TBPL2: variants seen among roughly 807,000 people sequenced by gnomAD.
TBPL2 encodes the protein TATA box-binding protein-like 2.
TBPL2 carries 40 observed loss-of-function variants against 38.2 expected under a neutral mutation model. The observed-to-expected ratio is 1.05, with a 90% CI of 0.81 to 1.36. The LOEUF (loss-of-function observed/expected upper bound fraction) is 1.36. Among genes scored for constraint, TBPL2 ranks in the 40% most tolerant of loss-of-function variants. The pLI is 0.00. For missense variants in TBPL2, 461 were observed against 456.7 expected, an observed-to-expected ratio of 1.01 and a Z score of -0.09; for synonymous variants, 169 against 171.7, an observed-to-expected ratio of 0.98 and a Z score of 0.12.
chr14:55,414,355 A>T, exon 7 of TBPL2: 1 of 1,549,042 alleles, frequency 6.5e-7, no homozygotes, highest in Non-Finnish European at 8.8e-7. Context: ...AAACCAGAAT[A>T]ATGTGAGATG....
intron 5 of TBPL2, among the ~76,000 whole-genome samples, chr14:55,428,208 C>T (rs1885863016): frequency 7.2e-6 from 1 of 138,680 alleles, no homozygotes; most frequent in Non-Finnish European, 1.5e-5. Flanking sequence ...CGGCTCACTG[C>T]AAGCTCCACC....
At position 55,437,010 on chromosome 14, in the gene TBPL2, A is replaced by AAAAC; in HGVS notation, c.158_159insGTTT (p.Ala54PhefsTer16). The AAAAC allele has an allele frequency of 6.2e-7, 1 of 1,613,798 alleles. No individual in the cohort carries two copies. Among genetic ancestry groups the AAAAC allele is most frequent in the Non-Finnish European group, 8.5e-7 (1 of 1,179,726 alleles). ...TGAACAGGGGAGACCTGGGTGGGGC[A>AAAAC]AGGCCATCCTAGGCAGTTCCCAAAA... On this transcript the variant is annotated frameshift_variant, in exon 2 of 7. Transcript: ENST00000247219. LOFTEE classifies it high-confidence loss of function.
At chr14:55,431,452 C>A (rs1006857419) in intron 4 of TBPL2, among the ~76,000 whole-genome samples, 13 of 152,340 alleles carry the variant, frequency 8.5e-5, no homozygotes, top group African/African-American at 2.9e-4. Flanking sequence ...ACCATCCTTT[C>A]AGCTCAGTAT....
At chr14:55,428,284 C>G (rs1885864799) in intron 5 of TBPL2, among the ~76,000 whole-genome samples, 1 of 151,914 alleles carries the variant, frequency 6.6e-6, no homozygotes, top group Non-Finnish European at 1.5e-5. Context: ...CGCCCGCTGC[C>G]ACGCCCGGCT....
chr14:55,440,020 A>T (rs911605857), intron 1 of TBPL2, among the ~76,000 whole-genome samples: 2 of 151,616 alleles, frequency 1.3e-5, no homozygotes, highest in African/African-American at 2.4e-5. Context: ...GAATCGCTTG[A>T]ACCCAGGAGG....
rs1566596712 is a variant in TBPL2 at position 55,440,131 on chromosome 14, A to AAC, written c.150+264_150+265insGT. On this transcript the variant is annotated intron_variant, in intron 1 of 6. Transcript: ENST00000247219. ...CAATCAATCAATCAATCAATCAAAA[A>AAC]CCAGAACAACCTGGGAAGGGCCATG... 1.5e-3 allele frequency among the ~76,000 whole-genome samples: 223 copies of AAC among 151,708 alleles called. 1 individual carries two copies. Among genetic ancestry groups the AAC allele is most frequent in the Middle Eastern group, 3.4e-3 (1 of 294 alleles).
Position 55,428,844 on chromosome 14 carries a change from G to T in TBPL2, c.919C>A (p.Leu307Met), listed in dbSNP as rs749166761. 31 of 1,613,988 alleles carry T rather than the reference G, an allele frequency of 1.9e-5. No homozygotes were observed. In the East Asian group the frequency reaches 6.9e-4, roughly 36 times the overall value. Reference sequence around the variant, plus strand: ...TGATGGGTTAGCACCAAACCTTCCAGCCTGATGGGAAATCTCACATCACAG... The same window carrying T: ...TGATGGGTTAGCACCAAACCTTCCATCCTGATGGGAAATCTCACATCACAG... The change falls in exon 5 of 7, where the codon CTG becomes ATG. Residue 307 changes from leucine to methionine, a missense_variant. Transcript: ENST00000247219.
rs1555344746 is a variant in TBPL2, at chr14:55,439,617, C to CCG, written c.150+778_150+779insCG. Among the ~76,000 whole-genome samples the CCG allele has an allele frequency of 2.1e-4, 15 of 72,700 alleles. 3 individuals are homozygous for CCG. The highest frequency in any genetic ancestry group is 5.7e-4 in the East Asian group (1 of 1,752). The allele number at this position is 72,700 out of a possible 152,430, so 47.7% of individuals were successfully genotyped here. A position where few individuals can be genotyped will look rare whatever the true frequency, so the allele number is the denominator to read the frequency against. ...ACCAGCCTGGGGAGAAAAGCAAACC[C>CCG]CCCCCCGTCTCTACTAAAAAATACA... On this transcript the variant is annotated intron_variant, in intron 1 of 6. Coordinates refer to ENST00000247219, the Ensembl canonical transcript of TBPL2.
chr14:55,424,116 AG>A, intron 6 of TBPL2, 42 bp downstream of exon 6: 1 of 1,374,984 alleles, frequency 7.3e-7, no homozygotes, highest in Non-Finnish European at 1.0e-6. Flanking sequence ...GCACATGCAT[AG>A]CAATTACATT....
At chr14:55,414,723 T>C (rs1041003395) in intron 6 of TBPL2, among the ~76,000 whole-genome samples, 1 of 152,206 alleles carries the variant, frequency 6.6e-6, no homozygotes, top group Admixed American at 6.5e-5. Context: ...TGGAATGTTA[T>C]CTCTACATGT....
intron 5 of TBPL2, among the ~76,000 whole-genome samples, chr14:55,427,649 T>C (rs1203348066): frequency 3.3e-5 from 5 of 151,446 alleles, no homozygotes; most frequent in Non-Finnish European, 5.9e-5. Flanking sequence ...GGGTTTGGTG[T>C]CCATGAGTCA....
chr14:55,430,780 T>C (rs17743484), intron 4 of TBPL2, among the ~76,000 whole-genome samples: 9,881 of 152,328 alleles, frequency 0.065, 369 homozygotes, highest in Non-Finnish European at 0.085. Context: ...TTCTCACTCT[T>C]GAAATGTCCT....
chr14:55,432,801 G>A (rs1271217004), intron 4 of TBPL2, among the ~76,000 whole-genome samples: 3 of 152,302 alleles, frequency 2.0e-5, no homozygotes, highest in South Asian at 4.1e-4. Context: ...GAGAAAACAG[G>A]CTCTGCCACT....
intron 4 of TBPL2, 28 bp downstream of exon 4, chr14:55,433,602 G>A (rs372485240): frequency 5.7e-6 from 9 of 1,587,098 alleles, no homozygotes; most frequent in Non-Finnish European, 6.9e-6. Flanking sequence ...TGTTTCTCTG[G>A]TAGGGGTGGA....
At chr14:55,437,252 G>A (rs528675429) in intron 1 of TBPL2, among the ~76,000 whole-genome samples, 6 of 152,356 alleles carry the variant, frequency 3.9e-5, no homozygotes, top group African/African-American at 9.6e-5. Flanking sequence ...TGAGGCAGGC[G>A]GATGGCTGGA....
At chr14:55,433,744 A>T (rs1247370364) in intron 3 of TBPL2, 23 bp from the exon 4 acceptor site, 6 of 1,607,956 alleles carry the variant, frequency 3.7e-6, no homozygotes, top group East Asian at 4.5e-5. Context: ...ACCAAAAGAG[A>T]ATTAGCCTCT....
In TBPL2 at chr14:55,432,444, CA is replaced by C. The variant is rs371752274; in HGVS notation, c.788+1185del. On this transcript the variant is annotated intron_variant, in intron 4 of 6. Transcript: ENST00000247219. ...AAAAAAACAACAAATAAACAAACAA[CA>C]AAAAAAACACCATAAAATACCATAA... Among the ~76,000 whole-genome samples the C allele has an allele frequency of 1.0e-3, 151 of 147,520 alleles. No homozygotes were observed. The South Asian group carries it at 0.011, about 10-fold the overall frequency.
At chr14:55,424,710 C>T (rs1885794511) in intron 5 of TBPL2, among the ~76,000 whole-genome samples, 1 of 152,198 alleles carries the variant, frequency 6.6e-6, no homozygotes, top group African/African-American at 2.4e-5. Context: ...TTCTAGGCCA[C>T]TGCTATTTGT....
chr14:55,414,358 G>A, exon 7 of TBPL2: 2 of 1,559,906 alleles, frequency 1.3e-6, no homozygotes, highest in Non-Finnish European at 1.7e-6. Context: ...CCAGAATAAT[G>A]TGAGATGCTG....
Sources: allele counts gnomAD v4.1 joint callset (sites outside exome capture counted in the v4.1 genomes callset), GRCh38; gene constraint gnomAD v4.1.1; transcripts MANE v1.5; gene names NCBI Gene and HGNC (gene_info 2026-07-23, HGNC 2026-07-21).